PCDHGA12: variants seen among roughly 807,000 people sequenced by gnomAD.
PCDHGA12 encodes protocadherin gamma subfamily A, 12.
PCDHGA12 carries 43 observed loss-of-function variants against 61.1 expected under a neutral mutation model. That is an observed-to-expected ratio of 0.70 (90% confidence interval 0.55 to 0.91). The LOEUF is 0.91. Among genes scored for constraint, PCDHGA12 ranks in the 40% least tolerant of loss-of-function variants. The pLI is 0.00. For synonymous variants in PCDHGA12, 520 were observed against 542.9 expected (o/e 0.96, Z 0.59); for missense variants, 1,236 against 1,227.7 (o/e 1.01, Z -0.10).
At chr5:141,467,117 A>G (rs62379198) in intron 1 of PCDHGA12, among the ~76,000 whole-genome samples, 35,587 of 150,646 alleles carry the variant, frequency 0.24, 4,364 homozygotes, top group Admixed American at 0.32. Flanking sequence ...CAATGGTGCA[A>G]TCTCAGCTCA....
intron 1 of PCDHGA12, among the ~76,000 whole-genome samples, chr5:141,454,250 C>T (rs1453631901): frequency 6.6e-6 from 1 of 151,974 alleles, no homozygotes; most frequent in African/African-American, 2.4e-5. Context: ...TGAAGATGTC[C>T]CAGAGAAAGT....
At chr5:141,492,755 C>T (rs938918009) in intron 1 of PCDHGA12, among the ~76,000 whole-genome samples, 3 of 152,262 alleles carry the variant, frequency 2.0e-5, no homozygotes, top group African/African-American at 7.2e-5. Flanking sequence ...CGCGGCAGGG[C>T]TCCGCGTTGG....
rs772043134 is a variant in PCDHGA12, at chr5:141,432,746, G to A, written c.1987G>A (p.Ala663Thr). 1.2e-6 allele frequency: 2 copies of A among 1,614,098 alleles called. No homozygotes were observed. Among genetic ancestry groups the A allele is most frequent in the East Asian group, 4.5e-5 (2 of 44,860 alleles). Residue 663 changes from alanine to threonine, a missense_variant, in exon 1 of 4, where the codon GCC (alanine) becomes ACC (threonine). Physicochemically the swap from Ala to Thr is moderately conservative, Grantham distance 58. Coordinates refer to ENST00000252085, the MANE Select transcript of PCDHGA12 (RefSeq NM_003735.3). The surrounding 1 kb of genome is among the most constrained non-coding windows in gnomAD (Gnocchi z 6.0). ...PLSATVTLTV[A>T]VADSIPQVLA... ...CTCCGCCACTGTCACGCTCACCGTGGCCGTGGCCGACAGCATCCCCCAAGT... is the reference window on the plus strand; with the variant it reads ...CTCCGCCACTGTCACGCTCACCGTGACCGTGGCCGACAGCATCCCCCAAGT...
In PCDHGA12 at chr5:141,431,716, G is replaced by T; in HGVS notation, c.957G>T (p.Val319=). Residue 319 remains valine (V), a synonymous_variant, in exon 1 of 4, where the codon GTG becomes GTT. Transcript: ENST00000252085. The surrounding 1 kb of genome is among the most constrained non-coding windows in gnomAD (Gnocchi z 4.8). ...AGTCAGGATTCTACCAGATGGAAGT[G>T]CAAGCAATGGATAATGCAGGATATT... ...HEESGFYQME[V]QAMDNAGYSA... 1 of 1,614,244 alleles carries T rather than the reference G, an allele frequency of 6.2e-7. No homozygotes were observed. Among genetic ancestry groups the T allele is most frequent in the Middle Eastern group, 1.6e-4 (1 of 6,062 alleles).
chr5:141,484,960 C>A, intron 1 of PCDHGA12: 1 of 577,142 alleles, frequency 1.7e-6, no homozygotes, highest in Non-Finnish European at 3.1e-6. Flanking sequence ...TTGGCTGAGC[C>A]CGGGAGCCGC....
At chr5:141,443,498 C>G (rs1217918256) in intron 1 of PCDHGA12, among the ~76,000 whole-genome samples, 3 of 152,036 alleles carry the variant, frequency 2.0e-5, no homozygotes, top group Non-Finnish European at 4.4e-5. Context: ...AACAAACAAA[C>G]AAATAAAGAG....
chr5:141,476,744 C>A lies in PCDHGA12; in HGVS notation c.2425-18063C>A, dbSNP rs1168392300. ...CCTGGACCGAGAACGGGAGCCTAGT[C>A]TCCAGTTAGTGCTGACGGCGTTGGA... On this transcript the variant is annotated intron_variant, in intron 1 of 3. Coordinates refer to ENST00000252085, the MANE Select transcript of PCDHGA12 (RefSeq NM_003735.3). The surrounding 1 kb of genome is among the most constrained non-coding windows in gnomAD (Gnocchi z 7.6). 1.2e-6 allele frequency: 2 copies of A among 1,614,046 alleles called. No individual in the cohort carries two copies. Among genetic ancestry groups the A allele is most frequent in the Admixed American group, 3.3e-5 (2 of 60,034 alleles).
chr5:141,437,377 A>G (rs1021305426), intron 1 of PCDHGA12, among the ~76,000 whole-genome samples: 3 of 152,246 alleles, frequency 2.0e-5, no homozygotes, highest in Non-Finnish European at 2.9e-5. Flanking sequence ...AATCAGTCAG[A>G]AGACATTCAT....
At chr5:141,448,021 G>A (rs1376525971) in intron 1 of PCDHGA12, among the ~76,000 whole-genome samples, 2 of 152,050 alleles carry the variant, frequency 1.3e-5, no homozygotes, top group African/African-American at 4.8e-5. Context: ...AGGAGGTGGA[G>A]GTTGCAGTGA....
At chr5:141,471,046 C>G (rs960750377) in intron 1 of PCDHGA12, among the ~76,000 whole-genome samples, 3 of 113,280 alleles carry the variant, frequency 2.6e-5, no homozygotes, top group African/African-American at 1.1e-4. Context: ...CCCAAGCCCT[C>G]TTTTTTTTTT....
chr5:141,475,679 T>A (rs967189869), intron 1 of PCDHGA12, among the ~76,000 whole-genome samples: 2 of 152,236 alleles, frequency 1.3e-5, no homozygotes, highest in African/African-American at 4.8e-5. Flanking sequence ...GAGTCTTGAT[T>A]TGGATTGGAG....
chr5:141,441,838 C>A, intron 1 of PCDHGA12: 1 of 355,582 alleles, frequency 2.8e-6, no homozygotes, highest in Non-Finnish European at 5.5e-6. Context: ...TGGCTTCGCG[C>A]TCTTGGATAT....
rs1156927948 is a variant in PCDHGA12, at chr5:141,490,342, G to A, written c.2425-4465G>A. 16 of 1,614,126 alleles carry A rather than the reference G, an allele frequency of 9.9e-6. 1 individual carries two copies. In the Admixed American group the frequency reaches 1.3e-4, roughly 13 times the overall value. ...CCTAGAGAGCACACCAGTGGGCACA[G>A]TAGTGGGGTTGTTTAATGTGCGAGA... On this transcript the variant is annotated intron_variant, in intron 1 of 3. Coordinates refer to ENST00000252085, the MANE Select transcript of PCDHGA12 (RefSeq NM_003735.3). This position sits in a 1 kb window ranked among gnomAD's most constrained non-coding sequence, Gnocchi z 5.4.
At chr5:141,452,908 A>G (rs747849272) in intron 1 of PCDHGA12, among the ~76,000 whole-genome samples, 5 of 152,222 alleles carry the variant, frequency 3.3e-5, no homozygotes, top group African/African-American at 4.8e-5. Flanking sequence ...AGTTGGCATT[A>G]TACAGTAAGA....
chr5:141,479,000 T>C (rs2099485433), intron 1 of PCDHGA12, among the ~76,000 whole-genome samples: 1 of 152,244 alleles, frequency 6.6e-6, no homozygotes, highest in Non-Finnish European at 1.5e-5. Flanking sequence ...TTAAAACTAA[T>C]AGCTTTTTGA....
At chr5:141,509,823 TTCTC>T (rs2099878456) in intron 3 of PCDHGA12, among the ~76,000 whole-genome samples, 1 of 152,170 alleles carries the variant, frequency 6.6e-6, no homozygotes, top group Non-Finnish European at 1.5e-5. Flanking sequence ...CTTCTCCATC[TTCTC>T]TCTACCTCCC....
rs768767029 is a variant in PCDHGA12, at chr5:141,477,838, G to A, written c.2425-16969G>A. The A allele has an allele frequency of 6.2e-7, 1 of 1,612,892 alleles. No individual in the cohort carries two copies. The highest frequency in any genetic ancestry group is 1.1e-5 in the South Asian group (1 of 90,982). ...AGGTCCTATATCCTCGGCCAGGTGG[G>A]AGCTCGGTGGAGATGCTGCCTCGAG... On this transcript the variant is annotated intron_variant, in intron 1 of 3. Transcript: ENST00000252085. This position sits in a 1 kb window ranked among gnomAD's most constrained non-coding sequence, Gnocchi z 4.9.
intron 1 of PCDHGA12, among the ~76,000 whole-genome samples, chr5:141,469,207 G>T (rs2099193654): frequency 6.6e-6 from 1 of 151,820 alleles, no homozygotes; most frequent in African/African-American, 2.4e-5. Flanking sequence ...GCCTTTTGAA[G>T]TTGAGGCTTC....
In PCDHGA12 at chr5:141,489,068, G is replaced by GGC; in HGVS notation, c.2425-5739_2425-5738insGC. 1 of 291,558 alleles carries GGC rather than the reference G, an allele frequency of 3.4e-6. No individual in the cohort carries two copies. The allele number at this position is 291,558 out of a possible 1,614,324, so 18.1% of individuals were successfully genotyped here. ...CTCAAATTCAGCTCCCCTCCCCCCT[G>GGC]CCCACCCCCGCCACTCGGTGACTAA... On this transcript the variant is annotated intron_variant, in intron 1 of 3. Transcript: ENST00000252085. The surrounding 1 kb of genome is among the most constrained non-coding windows in gnomAD (Gnocchi z 4.5).
Sources: gnomAD v4.1 joint callset for allele counts (sites outside exome capture counted in the v4.1 genomes callset) on GRCh38, gnomAD v4.1.1 for gene constraint, Gnocchi (gnomAD v3.1) non-coding constraint, MANE v1.5 for transcripts, NCBI Gene and HGNC (gene_info 2026-07-23, HGNC 2026-07-21) for gene names.